MPHOSPH9: variants seen among roughly 807,000 people sequenced by gnomAD.
The protein encoded by MPHOSPH9 is M-phase phosphoprotein 9.
MPHOSPH9 carries 88 observed loss-of-function variants against 145.5 expected under a neutral mutation model. That is an observed-to-expected ratio of 0.60 (90% CI 0.51 to 0.72). MPHOSPH9 has a LOEUF of 0.72. MPHOSPH9 is among the 30% of genes least tolerant of loss of function. The pLI is 0.00. For missense variants in MPHOSPH9, 1,238 were observed against 1,386.6 expected (o/e 0.89, Z 1.70); for synonymous variants, 435 against 486.2 (o/e 0.89, Z 1.39).
At chr12:123,218,019 T>C (rs2047041329) in intron 6 of MPHOSPH9, among the ~76,000 whole-genome samples, 5 of 143,826 alleles carry the variant, frequency 3.5e-5, no homozygotes. Context: ...CACTCCAGCC[T>C]GGGTGACAGA....
chr12:123,238,586 C>G (rs2047886503), intron 1 of MPHOSPH9, among the ~76,000 whole-genome samples: 1 of 151,990 alleles, frequency 6.6e-6, no homozygotes, highest in African/African-American at 2.4e-5. Context: ...GACTGGGCAA[C>G]ATGATGAAAC....
upstream of MPHOSPH9, among the ~76,000 whole-genome samples, chr12:123,234,361 T>A (rs1229072349): frequency 6.6e-6 from 1 of 150,920 alleles, no homozygotes; most frequent in East Asian, 2.0e-4. Context: ...TTCCTAAGTA[T>A]ACCTACCAAT....
chr12:123,224,344 C>T (rs1199007237), intron 3 of MPHOSPH9, among the ~76,000 whole-genome samples: 1 of 151,886 alleles, frequency 6.6e-6, no homozygotes, highest in African/African-American at 2.4e-5. Context: ...CCATGTTAGC[C>T]AGGATGGTCT....
chr12:123,162,925 A>G, intron 20 of MPHOSPH9, 89 bp downstream of exon 20: 3 of 1,298,778 alleles, frequency 2.3e-6, no homozygotes, highest in Non-Finnish European at 2.0e-6. Context: ...TGGTAACTGA[A>G]AAATTAGTGA....
intron 8 of MPHOSPH9, among the ~76,000 whole-genome samples, chr12:123,209,714 C>T (rs1287777069): frequency 1.3e-5 from 2 of 149,538 alleles, no homozygotes; most frequent in African/African-American, 4.9e-5. Flanking sequence ...GCCCAGTCCA[C>T]GGTGTGTGTG....
At chr12:123,243,174 C>G (rs1174121582) in intron 1 of MPHOSPH9, among the ~76,000 whole-genome samples, 4 of 152,138 alleles carry the variant, frequency 2.6e-5, no homozygotes, top group Non-Finnish European at 1.5e-5. Context: ...TGGCACACTC[C>G]ATTTCAAAGT....
rs144230500 is a variant in MPHOSPH9 at position 123,203,043 on chromosome 12, C to T, written c.1362G>A (p.Gln454=). 14 of 1,613,946 alleles carry T rather than the reference C, an allele frequency of 8.7e-6. No homozygotes were observed. In the African/African-American group the frequency reaches 1.9e-4, roughly 22 times the overall value. ...LDPTLHMKPK[Q]QISGIQPHGL... The stretch of plus-strand genomic sequence containing the variant: ...CGTGAGGTTGAATCCCTGAAATCTG[C>T]TGCTTTGGCTTCATGTGTAACGTAG... Residue 454 remains glutamine (Q), a synonymous_variant, in exon 10 of 24, where the codon CAG becomes CAA. Coordinates refer to ENST00000606320, the MANE Select transcript of MPHOSPH9 (RefSeq NM_022782.4).
At chr12:123,193,071 CAAA>C (rs768866302) in intron 13 of MPHOSPH9, among the ~76,000 whole-genome samples, 1,867 of 29,320 alleles carry the variant, frequency 0.064, 60 homozygotes, top group African/African-American at 0.17. Context: ...GATTGTCTTT[CAAA>C]AAAAAAAAAA....
chr12:123,187,729 A>G (rs1334624921), intron 13 of MPHOSPH9, among the ~76,000 whole-genome samples: 3 of 152,226 alleles, frequency 2.0e-5, no homozygotes, highest in Non-Finnish European at 2.9e-5. Context: ...AGAAGTCAGT[A>G]AGGGAAGGAA....
At chr12:123,225,438 T>C (rs1402070549) in intron 3 of MPHOSPH9, among the ~76,000 whole-genome samples, 5 of 74,556 alleles carry the variant, frequency 6.7e-5, no homozygotes, top group African/African-American at 1.6e-4. Flanking sequence ...AATGAGACCC[T>C]ATTTCAAAAA....
At chr12:123,202,071 A>G in intron 11 of MPHOSPH9, 93 bp downstream of exon 11, 1 of 1,291,594 alleles carries the variant, frequency 7.7e-7, no homozygotes, top group Non-Finnish European at 1.0e-6. Context: ...TTTCAGATCC[A>G]AAGTATTTTC....
chr12:123,162,492 C>T lies in MPHOSPH9; in HGVS notation c.3030-274G>A, dbSNP rs185392259. 3.8e-4 allele frequency: 80 copies of T among 212,354 alleles called. 1 individual carries two copies. The East Asian group carries it at 6.6e-3, about 18-fold the overall frequency. The allele number at this position is 212,354 out of a possible 1,614,324, so 13.2% of individuals were successfully genotyped here. A position where few individuals can be genotyped will look rare whatever the true frequency, so the allele number is the denominator to read the frequency against. ...TAAGCAGGGTAGTTATTATTATCCC[C>T]GTTTTATAGAAGAGGAAACTGAGGT... On this transcript the variant is annotated intron_variant, in intron 20 of 23. Transcript: ENST00000606320.
upstream of MPHOSPH9, among the ~76,000 whole-genome samples, chr12:123,235,130 A>G (rs1377046043): frequency 6.6e-6 from 1 of 152,174 alleles, no homozygotes; most frequent in East Asian, 1.9e-4. Flanking sequence ...TGTAGTTGAG[A>G]GATCTGACAT....
At chr12:123,209,011 C>A (rs1041355164) in intron 8 of MPHOSPH9, among the ~76,000 whole-genome samples, 3 of 152,132 alleles carry the variant, frequency 2.0e-5, no homozygotes, top group Admixed American at 2.0e-4. Flanking sequence ...TGGCTCACTG[C>A]AATCTCCACC....
intron 7 of MPHOSPH9, among the ~76,000 whole-genome samples, chr12:123,214,407 C>T (rs543525603): frequency 8.5e-5 from 13 of 152,182 alleles, no homozygotes; most frequent in Admixed American, 5.2e-4. Context: ...ATGGTGACAC[C>T]GCCTGTTGTC....
intron 7 of MPHOSPH9, among the ~76,000 whole-genome samples, chr12:123,213,379 G>T (rs1256644651): frequency 6.6e-6 from 1 of 151,530 alleles, no homozygotes; most frequent in Admixed American, 6.6e-5. Context: ...TCTTGGTATT[G>T]CCCAGGCTGG....
intron 13 of MPHOSPH9, among the ~76,000 whole-genome samples, chr12:123,189,694 G>A (rs1197869538): frequency 6.6e-6 from 1 of 152,108 alleles, no homozygotes; most frequent in Non-Finnish European, 1.5e-5. Context: ...CAGCACTTTG[G>A]GAGGCCGAGG....
intron 1 of MPHOSPH9, among the ~76,000 whole-genome samples, chr12:123,242,947 C>T (rs2047965251): frequency 6.6e-6 from 1 of 152,122 alleles, no homozygotes; most frequent in Non-Finnish European, 1.5e-5. Flanking sequence ...CTGCCTGATA[C>T]ACAAATGAAT....
In MPHOSPH9 at chr12:123,194,370, A is replaced by G. The variant is rs951432057; in HGVS notation, c.2241+16T>C. 6.7e-7 allele frequency: 1 copy of G among 1,495,296 alleles called. No individual in the cohort carries two copies. The highest frequency in any genetic ancestry group is 9.1e-7 in the Non-Finnish European group (1 of 1,093,156). The allele number at this position is 1,495,296 out of a possible 1,614,324, so 92.6% of individuals were successfully genotyped here. A position where few individuals can be genotyped will look rare whatever the true frequency, so the allele number is the denominator to read the frequency against. ...TAGCCAATCACGTCATTAAGTTACT[A>G]TTATTCGCTACTTACATCTTGAAAC... On this transcript the variant is annotated intron_variant, in intron 13 of 23. Coordinates refer to ENST00000606320, the MANE Select transcript of MPHOSPH9 (RefSeq NM_022782.4).
Sources: allele counts gnomAD v4.1 joint callset (sites outside exome capture counted in the v4.1 genomes callset), GRCh38; gene constraint gnomAD v4.1.1; transcripts MANE v1.5; gene names NCBI Gene and HGNC (gene_info 2026-07-23, HGNC 2026-07-21).